The following PDE4D variants were observed in gnomAD, a reference collection of about 807,000 sequenced individuals.
The protein encoded by PDE4D is 3',5'-cyclic-AMP phosphodiesterase 4D.
In PDE4D, 24 loss-of-function variants were observed where a neutral mutation model predicts 87.4. The ratio of observed to expected loss-of-function variants is 0.27; its 90% CI spans 0.20 to 0.39. The LOEUF is 0.39. Among genes scored for constraint, PDE4D ranks in the 10% least tolerant of loss-of-function variants. PDE4D has a pLI of 1.00. For synonymous variants in PDE4D, 384 were observed against 383.2 expected, an observed-to-expected ratio of 1.00 and a Z score of -0.02; for missense variants, 714 against 1,041.0, an observed-to-expected ratio of 0.69 and a Z score of 4.32.
intron 1 of PDE4D, among the ~76,000 whole-genome samples, chr5:59,329,188 G>A (rs1776264791): frequency 6.6e-6 from 1 of 151,674 alleles, no homozygotes; most frequent in Non-Finnish European, 1.5e-5. Context: ...TGGATTCAAG[G>A]GTGATTTTCC....
chr5:60,025,778 T>G (rs188702538), intron 2 of PDE4D, among the ~76,000 whole-genome samples: 1 of 152,154 alleles, frequency 6.6e-6, no homozygotes, highest in African/African-American at 2.4e-5. Context: ...ATTAATCACT[T>G]AAACCCAGGA....
chr5:59,259,428 T>G (rs1761565509), intron 1 of PDE4D, among the ~76,000 whole-genome samples: 1 of 151,888 alleles, frequency 6.6e-6, no homozygotes, highest in Admixed American at 6.6e-5. Context: ...TCCTACAGCC[T>G]AACAAAATAG....
At chr5:59,621,516 A>G (rs564970653) in intron 1 of PDE4D, among the ~76,000 whole-genome samples, 10 of 152,358 alleles carry the variant, frequency 6.6e-5, no homozygotes, top group Admixed American at 5.9e-4. Context: ...GCTTCAGCTT[A>G]CAAAAGTATC....
intron 1 of PDE4D, among the ~76,000 whole-genome samples, chr5:60,314,059 C>G (rs1464230322): frequency 6.6e-6 from 1 of 152,126 alleles, no homozygotes; most frequent in Non-Finnish European, 1.5e-5. Flanking sequence ...CACTACTACT[C>G]TATTCAACAC....
At chr5:59,857,289 T>C (rs1344611436) in intron 1 of PDE4D, among the ~76,000 whole-genome samples, 1 of 152,178 alleles carries the variant, frequency 6.6e-6, no homozygotes, top group Non-Finnish European at 1.5e-5. Context: ...TATTCTATTG[T>C]TATCACTTTT....
chr5:59,887,666 A>T (rs1750363016), intron 1 of PDE4D, among the ~76,000 whole-genome samples: 1 of 152,310 alleles, frequency 6.6e-6, no homozygotes, highest in South Asian at 2.1e-4. Flanking sequence ...TTCCCAAGAC[A>T]TGCCTCCAAA....
chr5:60,386,407 C>T (rs1762196020), intron 1 of PDE4D, among the ~76,000 whole-genome samples: 1 of 152,208 alleles, frequency 6.6e-6, no homozygotes, highest in South Asian at 2.1e-4. Flanking sequence ...CACATTTCAA[C>T]CTCTCTAACT....
intron 3 of PDE4D, among the ~76,000 whole-genome samples, chr5:59,954,090 T>C (rs1223320395): frequency 7.9e-6 from 1 of 126,100 alleles, no homozygotes; most frequent in Non-Finnish European, 1.7e-5. Context: ...CATGCCCGGC[T>C]AATTTTTGTA....
chr5:59,882,317 C>T (rs918687901), intron 1 of PDE4D, among the ~76,000 whole-genome samples: 1 of 151,962 alleles, frequency 6.6e-6, no homozygotes, highest in African/African-American at 2.4e-5. Flanking sequence ...AACTGGTCCT[C>T]AATAAAACTG....
chr5:59,632,249 G>C (rs922286475), intron 1 of PDE4D, among the ~76,000 whole-genome samples: 1 of 152,174 alleles, frequency 6.6e-6, no homozygotes, highest in Admixed American at 6.5e-5. Flanking sequence ...CCAGTCAGGG[G>C]CTTACAGATA....
At chr5:59,974,984 AG>A (rs1262855827) in intron 3 of PDE4D, among the ~76,000 whole-genome samples, 1 of 152,166 alleles carries the variant, frequency 6.6e-6, no homozygotes, top group Non-Finnish European at 1.5e-5. Flanking sequence ...TGGTGGATTC[AG>A]GGTAAGGTAC....
chr5:59,904,340 C>G (rs185757086), intron 3 of PDE4D, among the ~76,000 whole-genome samples: 11 of 152,214 alleles, frequency 7.2e-5, no homozygotes, highest in Admixed American at 5.2e-4. Flanking sequence ...AAACTAGAAC[C>G]AGGACCCCAA....
At chr5:59,918,067 G>A (rs1165813982) in intron 3 of PDE4D, among the ~76,000 whole-genome samples, 1 of 151,276 alleles carries the variant, frequency 6.6e-6, no homozygotes, top group East Asian at 1.9e-4. Flanking sequence ...GAAAATTTGT[G>A]GGATAAATTT....
chr5:60,502,081 C>T (rs1451636497), intron 1 of PDE4D, among the ~76,000 whole-genome samples: 1 of 151,936 alleles, frequency 6.6e-6, no homozygotes, highest in African/African-American at 2.4e-5. Context: ...CTTGCCCATG[C>T]CTATGTCCTG....
intron 2 of PDE4D, among the ~76,000 whole-genome samples, chr5:60,113,930 C>T (rs904392265): frequency 7.2e-5 from 11 of 152,092 alleles, no homozygotes. Context: ...AGTTCAACTC[C>T]AAAGATATGC....
At chr5:60,037,877 T>G (rs1291141693) in intron 2 of PDE4D, among the ~76,000 whole-genome samples, 22 of 152,210 alleles carry the variant, frequency 1.4e-4, no homozygotes, top group Admixed American at 1.4e-3. Flanking sequence ...CATTTTTTAG[T>G]CCTATGCATA....
intron 1 of PDE4D, among the ~76,000 whole-genome samples, chr5:60,351,954 C>T (rs1010888474): frequency 6.6e-6 from 1 of 150,730 alleles, no homozygotes; most frequent in Non-Finnish European, 1.5e-5. Context: ...TACAGGCGTG[C>T]ACCACCACAC....
chr5:59,581,161 G>A (rs903515140), intron 1 of PDE4D, among the ~76,000 whole-genome samples: 4 of 152,112 alleles, frequency 2.6e-5, no homozygotes, highest in African/African-American at 9.7e-5. Context: ...GCTAGACAGA[G>A]TATTAATGAG....
At chr5:59,814,488 T>A (rs527564375) in intron 1 of PDE4D, among the ~76,000 whole-genome samples, 1 of 152,174 alleles carries the variant, frequency 6.6e-6, no homozygotes, top group Non-Finnish European at 1.5e-5. Flanking sequence ...GTCTAGAATA[T>A]GATGAAATCA....
Sources: allele counts gnomAD v4.1 joint callset (sites outside exome capture counted in the v4.1 genomes callset), GRCh38; gene constraint gnomAD v4.1.1; transcripts MANE v1.5; gene names NCBI Gene and HGNC (gene_info 2026-07-23, HGNC 2026-07-21).